Variants in U2SURP observed in about 807,000 individuals in gnomAD.
U2SURP encodes the protein U2 snRNP-associated SURP motif-containing protein.
Under a neutral mutation model 144.9 loss-of-function variants are expected in U2SURP, and 9 were observed. That is an observed-to-expected ratio of 0.06 (90% confidence interval 0.04 to 0.11). The LOEUF (loss-of-function observed/expected upper bound fraction) is 0.11. Ranked by LOEUF, U2SURP falls within the 10% of genes least tolerant of loss-of-function variation. U2SURP has a pLI of 1.00. For missense variants in U2SURP, 724 were observed against 1,226.7 expected, an observed-to-expected ratio of 0.59 and a Z score of 6.12; for synonymous variants, 408 against 396.8, an observed-to-expected ratio of 1.03 and a Z score of -0.33.
At chr3:143,033,869 TATATC>T (rs1250650899) in intron 18 of U2SURP, among the ~76,000 whole-genome samples, 3 of 152,340 alleles carry the variant, frequency 2.0e-5, no homozygotes, top group South Asian at 2.1e-4. Flanking sequence ...GGAAAGATTT[TATATC>T]ATATCACTTT....
At chr3:143,042,818 G>A (rs1934188770) in intron 23 of U2SURP, among the ~76,000 whole-genome samples, 2 of 152,088 alleles carry the variant, frequency 1.3e-5, no homozygotes, top group African/African-American at 4.8e-5. Context: ...TCATTTAACT[G>A]CTGCAAGGAA....
At chr3:143,006,524 G>A (rs972355069) in intron 1 of U2SURP, among the ~76,000 whole-genome samples, 3 of 152,228 alleles carry the variant, frequency 2.0e-5, no homozygotes, top group Non-Finnish European at 4.4e-5. Flanking sequence ...GGGAGGCCAA[G>A]GCGGGTGGAT....
chr3:143,034,406 A>G (rs978954130), intron 18 of U2SURP: 1 of 152,296 alleles, frequency 6.6e-6, no homozygotes, highest in African/African-American at 2.4e-5. Context: ...CCATCTCAAA[A>G]AAAAAAAAGT....
chr3:143,034,877 T>C lies in U2SURP; in HGVS notation c.1854-11T>C. 6.4e-7 allele frequency: 1 copy of C among 1,559,774 alleles called. No individual in the cohort carries two copies. Among genetic ancestry groups the C allele is most frequent in the Non-Finnish European group, 8.8e-7 (1 of 1,140,250 alleles). ...CATTTTATTTTAAAGAATGTGTTAT[T>C]TGAATTTCAGTTTTGAAACAAAGTT... On this transcript the variant is annotated splice_polypyrimidine_tract_variant and intron_variant, in intron 18 of 27. Transcript: ENST00000473835.
At position 143,060,482 on chromosome 3, in the gene U2SURP, T is replaced by G. The variant is rs1025162695; in HGVS notation, c.*4032T>G. On this transcript the variant is annotated 3_prime_UTR_variant, in exon 28 of 28. Coordinates refer to ENST00000473835, the MANE Select transcript of U2SURP (RefSeq NM_001080415.2). ...AGATTATATAGTTGCAAACAAAGGT[T>G]GTGAAATTTCCCTTTTGTTGTTTTT... The G allele has an allele frequency of 3.3e-5, 5 of 152,018 alleles. No homozygotes were observed. Among genetic ancestry groups the G allele is most frequent in the Non-Finnish European group, 7.4e-5 (5 of 67,878 alleles). 9.4% of individuals were successfully genotyped at this position (152,018 alleles called of 1,614,324 possible).
chr3:143,041,183 T>C (rs1934083582), intron 23 of U2SURP, among the ~76,000 whole-genome samples: 1 of 151,902 alleles, frequency 6.6e-6, no homozygotes, highest in African/African-American at 2.4e-5. Flanking sequence ...TTATTGAGTC[T>C]TCTAGAATAA....
intron 4 of U2SURP, 144 bp downstream of exon 4, chr3:143,014,553 C>A: frequency 2.0e-6 from 1 of 499,144 alleles, no homozygotes; most frequent in Non-Finnish European, 3.6e-6. Context: ...TGTAATACAA[C>A]ATATATTCCT....
At chr3:143,052,359 A>G in intron 25 of U2SURP, among the ~76,000 whole-genome samples, 1 of 151,760 alleles carries the variant, frequency 6.6e-6, no homozygotes, top group East Asian at 1.9e-4. Context: ...GTGCTATTAC[A>G]CTCTAGCCTG....
chr3:143,021,918 A>G (rs756501315), intron 10 of U2SURP, among the ~76,000 whole-genome samples: 3 of 152,098 alleles, frequency 2.0e-5, no homozygotes, highest in African/African-American at 4.8e-5. Flanking sequence ...TTTGTCTTTT[A>G]TATTTTAATT....
Position 143,038,487 on chromosome 3 carries a change from G to A in U2SURP, c.2317+284G>A, listed in dbSNP as rs200434064. Among the ~76,000 whole-genome samples the A allele has an allele frequency of 1.7e-4, 26 of 152,074 alleles. No individual in the cohort carries two copies. The East Asian group carries it at 4.4e-3, about 26-fold the overall frequency. On this transcript the variant is annotated intron_variant, in intron 22 of 27. Transcript: ENST00000473835. ...AATGTAGATTGGAAGCTGTACCTAC[G>A]TAGAAATCTACATAGAGGTCAGTTT...
At chr3:143,013,626 G>A (rs899842820) in intron 3 of U2SURP, among the ~76,000 whole-genome samples, 13 of 151,946 alleles carry the variant, frequency 8.6e-5, no homozygotes, top group Admixed American at 2.0e-4. Flanking sequence ...TGAACAAAAA[G>A]GTCTACAGAC....
chr3:143,015,594 A>T (rs1002744343), intron 4 of U2SURP, among the ~76,000 whole-genome samples: 2 of 152,082 alleles, frequency 1.3e-5, no homozygotes, highest in African/African-American at 4.8e-5. Flanking sequence ...ATAATTATTC[A>T]GTTATCCTAG....
intron 24 of U2SURP, among the ~76,000 whole-genome samples, chr3:143,047,217 G>T (rs1317493306): frequency 1.1e-5 from 1 of 90,266 alleles, no homozygotes; most frequent in Non-Finnish European, 2.1e-5. Context: ...CCGGCCAGGC[G>T]GGGGGCTGAT....
chr3:143,049,265 C>CAAAAAAA (rs200930787), intron 24 of U2SURP, among the ~76,000 whole-genome samples: 17 of 81,490 alleles, frequency 2.1e-4, no homozygotes, highest in Non-Finnish European at 3.0e-4. Context: ...GACTCCATCT[C>CAAAAAAA]AAAAAAAAAA....
intron 16 of U2SURP, among the ~76,000 whole-genome samples, chr3:143,032,403 C>T (rs1030838697): frequency 6.6e-6 from 1 of 152,048 alleles, no homozygotes. Flanking sequence ...ATTAGCCTGT[C>T]GTAATCCCAG....
intron 24 of U2SURP, among the ~76,000 whole-genome samples, chr3:143,048,950 A>G (rs1934691080): frequency 6.6e-6 from 1 of 152,124 alleles, no homozygotes; most frequent in South Asian, 2.1e-4. Flanking sequence ...CATGAAGTCA[A>G]AAATAGTGAA....
chr3:143,037,479 CA>C, intron 21 of U2SURP, 144 bp downstream of exon 21: 1 of 798,338 alleles, frequency 1.3e-6, no homozygotes. Flanking sequence ...TGATTTTTTT[CA>C]AAATTCATAT....
At chr3:143,049,347 A>AG (rs1299896682) in intron 24 of U2SURP, among the ~76,000 whole-genome samples, 1 of 80,068 alleles carries the variant, frequency 1.2e-5, no homozygotes, top group African/African-American at 5.8e-5. Context: ...TTTGTAATAA[A>AG]GGGGGGTAAC....
intron 17 of U2SURP, 143 bp from the exon 18 acceptor site, chr3:143,033,128 G>A: frequency 1.2e-6 from 1 of 841,236 alleles, no homozygotes; most frequent in Non-Finnish European, 1.8e-6. Flanking sequence ...ATGTAAATGG[G>A]TTAACAAATT....
Sources: allele counts gnomAD v4.1 joint callset (sites outside exome capture counted in the v4.1 genomes callset), GRCh38; gene constraint gnomAD v4.1.1; transcripts MANE v1.5; gene names NCBI Gene and HGNC (gene_info 2026-07-23, HGNC 2026-07-21).